CTDNEP1: variants seen among roughly 807,000 people sequenced by gnomAD.
CTDNEP1 encodes CTD nuclear envelope phosphatase 1.
In CTDNEP1, 3 loss-of-function variants were observed where a neutral mutation model predicts 30.1. The ratio of observed to expected loss-of-function variants is 0.10; its 90% CI spans 0.05 to 0.26. The LOEUF (loss-of-function observed/expected upper bound fraction) is 0.26, where lower values mean the gene tolerates loss of function less well. Among genes scored for constraint, CTDNEP1 ranks in the 10% least tolerant of loss-of-function variants. The pLI, the probability that CTDNEP1 is intolerant of heterozygous loss-of-function variation, is 1.00. For missense variants in CTDNEP1, 158 were observed against 310.4 expected (o/e 0.51, Z 3.69); for synonymous variants, 123 against 118.8 (o/e 1.04, Z -0.23).
rs1432581948 is a variant in CTDNEP1, at chr17:7,247,402, G to A, written c.103-59C>T. 3.1e-5 allele frequency: 40 copies of A among 1,277,306 alleles called. 1 individual carries two copies. Among genetic ancestry groups the A allele is most frequent in the Non-Finnish European group, 4.5e-5 (39 of 876,188 alleles). 79.1% of individuals were successfully genotyped at this position (1,277,306 alleles called of 1,614,324 possible). ...GATAAGGAAGCCTTCCCCAGTAACA[G>A]TAACAGGGAGCACATAATGAACATT... On this transcript the variant is annotated intron_variant, in intron 1 of 7. Coordinates refer to ENST00000574322, the MANE Select transcript of CTDNEP1 (RefSeq NM_001143775.2).
chr17:7,244,366 A>G, intron 7 of CTDNEP1, 121 bp from the exon 8 acceptor site: 2 of 1,271,110 alleles, frequency 1.6e-6, no homozygotes, highest in Non-Finnish European at 2.3e-6. Flanking sequence ...ATGATTAGAT[A>G]GGTTCAATTT....
chr17:7,245,317 T>G (rs1177720525), intron 6 of CTDNEP1, among the ~76,000 whole-genome samples: 1 of 150,386 alleles, frequency 6.6e-6, no homozygotes, highest in African/African-American at 2.4e-5. Flanking sequence ...ATAAAAAAAT[T>G]AGCTGGGCAT....
At position 7,247,430 on chromosome 17, in the gene CTDNEP1, C is replaced by T. The variant is rs1002918626; in HGVS notation, c.103-87G>A. ...ACAGGGAGCACATAATGAACATTTA[C>T]CACAGGTACTATGTATGTAATTTAG... On this transcript the variant is annotated intron_variant, in intron 1 of 7. Coordinates refer to ENST00000574322, the MANE Select transcript of CTDNEP1 (RefSeq NM_001143775.2). The T allele has an allele frequency of 2.1e-5, 21 of 1,000,348 alleles. No individual in the cohort carries two copies. In the African/African-American group the frequency reaches 3.0e-4, roughly 14 times the overall value. 62.0% of individuals were successfully genotyped at this position (1,000,348 alleles called of 1,614,324 possible).
upstream of CTDNEP1, chr17:7,251,930 A>T: frequency 6.3e-6 from 1 of 159,404 alleles, no homozygotes; most frequent in Non-Finnish European, 1.4e-5. Context: ...CAGCCTCTGC[A>T]GCTGGGTTTC....
chr17:7,249,160 A>G (rs1432230792), intron 1 of CTDNEP1, among the ~76,000 whole-genome samples: 5 of 152,134 alleles, frequency 3.3e-5, no homozygotes, highest in Non-Finnish European at 2.9e-5. Context: ...TCTAGGGGCT[A>G]TTTCCTAATA....
At position 7,246,754 on chromosome 17, in the gene CTDNEP1, T is replaced by A. The variant is rs766139313; in HGVS notation, c.360+37A>T. The A allele has an allele frequency of 1.9e-6, 3 of 1,559,988 alleles. No individual in the cohort carries two copies. The highest frequency in any genetic ancestry group is 2.7e-6 in the Non-Finnish European group (3 of 1,131,968). On this transcript the variant is annotated intron_variant, in intron 4 of 7. Transcript: ENST00000574322. This position sits in a 1 kb window ranked among gnomAD's most constrained non-coding sequence, Gnocchi z 4.9. ...ATTCCCAGAGCCCTAAAACCATTCCTTCATTACAGAGCTCCCTTTAGCTCT... is the reference window on the plus strand; with the variant it reads ...ATTCCCAGAGCCCTAAAACCATTCCATCATTACAGAGCTCCCTTTAGCTCT...
chr17:7,245,341 T>TG (rs1376160344), intron 6 of CTDNEP1, among the ~76,000 whole-genome samples: 1 of 151,410 alleles, frequency 6.6e-6, no homozygotes, highest in Non-Finnish European at 1.5e-5. Flanking sequence ...GGTGCACGCC[T>TG]GTAGTCCCAA....
intron 7 of CTDNEP1, 116 bp downstream of exon 7, chr17:7,244,435 G>A: frequency 2.4e-6 from 3 of 1,258,464 alleles, no homozygotes; most frequent in East Asian, 2.4e-5. Context: ...GGGTCCAAAT[G>A]TTAAATTCTT....
rs1209905850 is a variant in CTDNEP1 at position 7,246,273 on chromosome 17, T to C, written c.458A>G (p.Lys153Arg). ...DKLDNSRSIL[K>R]RRYYRQHCTL... is the part of the protein sequence containing the mutation. ...GCTTACCTGTCTGTAATATCTCCTC[T>C]TAAGAATGCTTCTGCTATTGTCCAG... The change falls in exon 5 of 8, where the codon AAG becomes AGG. Residue 153 changes from lysine to arginine, a missense_variant. Lys to Arg is a conservative substitution (Grantham distance 26, BLOSUM62 2). Around this residue, in one of 2 missense-constraint regions of CTDNEP1, gnomAD observed 96 missense variants for 229.1 expected, o/e 0.42. Coordinates refer to ENST00000574322, the MANE Select transcript of CTDNEP1 (RefSeq NM_001143775.2). The surrounding 1 kb of genome is among the most constrained non-coding windows in gnomAD (Gnocchi z 4.9). The C allele has an allele frequency of 4.3e-6, 7 of 1,613,330 alleles. No homozygotes were observed. Among genetic ancestry groups the C allele is most frequent in the Non-Finnish European group, 5.9e-6 (7 of 1,179,262 alleles).
intron 6 of CTDNEP1, among the ~76,000 whole-genome samples, chr17:7,245,241 G>A (rs550630187): frequency 2.0e-5 from 3 of 151,796 alleles, no homozygotes; most frequent in Non-Finnish European, 4.4e-5. Flanking sequence ...GCAGTAAGCC[G>A]AGATCACGCC....
In CTDNEP1 at chr17:7,247,372, C is replaced by G. The variant is rs769738016; in HGVS notation, c.103-29G>C. 3.8e-6 allele frequency: 6 copies of G among 1,592,298 alleles called. No individual in the cohort carries two copies. In the East Asian group the frequency reaches 6.7e-5, roughly 18 times the overall value. ...CAAATAGCACAAAAGAGGATTGAAA[C>G]CCTTGATAAGGAAGCCTTCCCCAGT... On this transcript the variant is annotated intron_variant, in intron 1 of 7. Transcript: ENST00000574322.
In CTDNEP1 at chr17:7,251,267, C is replaced by A; in HGVS notation, c.30G>T (p.Leu10=). ...TGGCGGCGAAGGCCACGAACGTGCGCAGCCCCAGCAGACACTGCGTCCGCA... is the reference window on the plus strand; with the variant it reads ...TGGCGGCGAAGGCCACGAACGTGCGAAGCCCCAGCAGACACTGCGTCCGCA... MMRTQCLLG[L]RTFVAFAAKL... is the part of the protein sequence containing the mutation. Residue 10 remains leucine, a synonymous_variant, in exon 1 of 8, where the codon CTG becomes CTT. Transcript: ENST00000574322. 6.3e-7 allele frequency: 1 copy of A among 1,596,094 alleles called. No homozygotes were observed. The highest frequency in any genetic ancestry group is 1.1e-5 in the South Asian group (1 of 88,236).
chr17:7,247,321 C>T lies in CTDNEP1; in HGVS notation c.125G>A (p.Arg42Gln). ...IRTVIQYQTV[R>Q]YDILPLSPVS... Reference sequence around the variant, plus strand: ...AGGAGATAAGGGGAGGATATCATATCGAACAGTTTGGTACTGAATTACCTA... The same window carrying T: ...AGGAGATAAGGGGAGGATATCATATTGAACAGTTTGGTACTGAATTACCTA... Residue 42 changes from arginine (R) to glutamine (Q), a missense_variant, in exon 2 of 8, where the codon CGA becomes CAA. Arg to Gln is a conservative substitution (Grantham distance 43, BLOSUM62 1). This residue lies in a region of CTDNEP1 where 62 missense variants were observed against 81.4 expected (regional missense o/e 0.76). Coordinates refer to ENST00000574322, the MANE Select transcript of CTDNEP1 (RefSeq NM_001143775.2). 6.2e-7 allele frequency: 1 copy of T among 1,613,806 alleles called. No individual in the cohort carries two copies. Among genetic ancestry groups the T allele is most frequent in the Non-Finnish European group, 8.5e-7 (1 of 1,179,936 alleles).
At chr17:7,248,367 T>C (rs2071872199) in intron 1 of CTDNEP1, among the ~76,000 whole-genome samples, 1 of 148,832 alleles carries the variant, frequency 6.7e-6, no homozygotes, top group African/African-American at 2.5e-5. Context: ...TTTTTCTTTT[T>C]TTTTTTTTTG....
At chr17:7,247,674 G>A (rs1392210905) in intron 1 of CTDNEP1, among the ~76,000 whole-genome samples, 4 of 151,454 alleles carry the variant, frequency 2.6e-5, no homozygotes, top group South Asian at 4.2e-4. Context: ...TAACTATATT[G>A]GCCTGGCTGG....
rs186113264 is a variant in CTDNEP1 at position 7,245,289 on chromosome 17, C to G, written c.590-654G>C. 3.9e-3 allele frequency among the ~76,000 whole-genome samples: 585 copies of G among 150,058 alleles called. 5 individuals carry two copies. The highest frequency in any genetic ancestry group is 6.8e-3 in the Non-Finnish European group (461 of 67,652). ...CCTGGGTGACAGTGCGAGACTCTGT[C>G]TCAAAAAAAAATAAAAAATAAAAAA... On this transcript the variant is annotated intron_variant, in intron 6 of 7. Transcript: ENST00000574322.
At chr17:7,245,563 A>G (rs2071825733) in intron 6 of CTDNEP1, among the ~76,000 whole-genome samples, 2 of 151,628 alleles carry the variant, frequency 1.3e-5, no homozygotes, top group Admixed American at 6.6e-5. Flanking sequence ...CAATGGTGCA[A>G]TCTCGGCTCA....
In CTDNEP1 at chr17:7,247,318, T is replaced by C; in HGVS notation, c.128A>G (p.Tyr43Cys). Reference sequence around the variant, plus strand: ...CACAGGAGATAAGGGGAGGATATCATATCGAACAGTTTGGTACTGAATTAC... The same window carrying C: ...CACAGGAGATAAGGGGAGGATATCACATCGAACAGTTTGGTACTGAATTAC... ...RTVIQYQTVRYDILPLSPVSR... is the reference protein window; with the variant it reads ...RTVIQYQTVRCDILPLSPVSR... Residue 43 changes from tyrosine to cysteine, a missense_variant, in exon 2 of 8, where the codon TAT becomes TGT. Tyr to Cys is a radical substitution (Grantham distance 194). This residue lies in a region of CTDNEP1 where 62 missense variants were observed against 81.4 expected (regional missense o/e 0.76). Coordinates refer to ENST00000574322, the MANE Select transcript of CTDNEP1 (RefSeq NM_001143775.2). The C allele has an allele frequency of 6.2e-7, 1 of 1,613,912 alleles. No individual in the cohort carries two copies.
Position 7,248,873 on chromosome 17 carries a change from G to A in CTDNEP1, c.103-1530C>T, listed in dbSNP as rs187784792. On this transcript the variant is annotated intron_variant, in intron 1 of 7. Transcript: ENST00000574322. ...AGGGAATCCAGAGGTTGTCAGGTCA[G>A]CTAAGTTCCTCTGGCTAGAAGCCAC... Among the ~76,000 whole-genome samples the A allele has an allele frequency of 1.9e-4, 29 of 152,308 alleles. No individual in the cohort carries two copies. In the East Asian group the frequency reaches 5.2e-3, roughly 27 times the overall value.
Sources: gnomAD v4.1 joint callset for allele counts (sites outside exome capture counted in the v4.1 genomes callset) on GRCh38, gnomAD v4.1.1 for gene constraint, gnomAD v4.1.1 regional missense constraint, Gnocchi (gnomAD v3.1) non-coding constraint, MANE v1.5 for transcripts, NCBI Gene and HGNC (gene_info 2026-07-23, HGNC 2026-07-21) for gene names.